Variants in PCDHA9 observed in about 807,000 individuals in gnomAD.
The protein encoded by PCDHA9 is protocadherin alpha 9.
A neutral mutation model predicts 62.0 loss-of-function variants in PCDHA9; 62 were observed. The observed-to-expected ratio is 1.00, with a 90% confidence interval of 0.81 to 1.23. PCDHA9 has a LOEUF of 1.23. Ranked by LOEUF, PCDHA9 falls within the 50% of genes most tolerant of loss-of-function variation. The pLI, the probability that PCDHA9 is intolerant of heterozygous loss-of-function variation, is 0.00. For synonymous variants in PCDHA9, 557 were observed against 567.6 expected (o/e 0.98, Z 0.27); for missense variants, 1,205 against 1,249.8 (o/e 0.96, Z 0.54).
chr5:140,883,091 G>A lies in PCDHA9; in HGVS notation c.2394+32202G>A, dbSNP rs782433695. The A allele has an allele frequency of 1.9e-6, 3 of 1,613,994 alleles. No individual in the cohort carries two copies. In the African/African-American group the frequency reaches 4.0e-5, roughly 22 times the overall value. ...CACAGATCCTGATGATGGTACAAAT[G>A]GAGATATAGTTTACTCATTTAGAAG... On this transcript the variant is annotated intron_variant, in intron 1 of 3. Coordinates refer to ENST00000532602, the MANE Select transcript of PCDHA9 (RefSeq NM_031857.2).
chr5:140,967,775 G>A, intron 1 of PCDHA9: 2 of 1,614,200 alleles, frequency 1.2e-6, no homozygotes, highest in South Asian at 2.2e-5. Context: ...CTATGTGCAG[G>A]CGACTGACCG....
intron 1 of PCDHA9, among the ~76,000 whole-genome samples, chr5:140,896,320 C>G (rs1583228292): frequency 6.6e-6 from 1 of 152,182 alleles, no homozygotes; most frequent in Non-Finnish European, 1.5e-5. Context: ...CTGCTTTCCA[C>G]AGTGGCTAAA....
At position 140,883,299 on chromosome 5, in the gene PCDHA9, A is replaced by G. The variant is rs200799645; in HGVS notation, c.2394+32410A>G. 1.4e-5 allele frequency: 22 copies of G among 1,614,110 alleles called. No homozygotes were observed. In the African/African-American group the frequency reaches 2.9e-4, roughly 22 times the overall value. On this transcript the variant is annotated intron_variant, in intron 1 of 3. Coordinates refer to ENST00000532602, the MANE Select transcript of PCDHA9 (RefSeq NM_031857.2). ...CTTTTGGTGGAAGTACTAGATGTAA[A>G]TGATAACGCCCCAGAGGTTACCATC...
In PCDHA9 at chr5:140,870,834, C is replaced by T. The variant is rs370941881; in HGVS notation, c.2394+19945C>T. ...CTGGCAGCGCGGGAGGCGCAGTTAA[C>T]AAGCTAGTACCGCGGTCGGTGGGTG... On this transcript the variant is annotated intron_variant, in intron 1 of 3. Transcript: ENST00000532602. 184 of 1,613,806 alleles carry T rather than the reference C, an allele frequency of 1.1e-4. 2 individuals are homozygous for T. In the South Asian group the frequency reaches 1.5e-3, roughly 13 times the overall value.
At chr5:140,863,510 T>C in intron 1 of PCDHA9, 1 of 411,624 alleles carries the variant, frequency 2.4e-6, no homozygotes, top group Non-Finnish European at 4.8e-6. Context: ...TTAGTCCTAG[T>C]GTTCTCCCAT....
chr5:140,963,177 T>A (rs1002604435), intron 1 of PCDHA9, among the ~76,000 whole-genome samples: 1 of 152,194 alleles, frequency 6.6e-6, no homozygotes, highest in East Asian at 1.9e-4. Flanking sequence ...CTTACAGATA[T>A]GCTGTAGACT....
At chr5:141,004,391 G>A (rs62384511) in intron 3 of PCDHA9, among the ~76,000 whole-genome samples, 4 of 152,342 alleles carry the variant, frequency 2.6e-5, no homozygotes, top group East Asian at 3.9e-4. Flanking sequence ...AGCTGGACAT[G>A]TGGAGGAGGC....
intron 1 of PCDHA9, among the ~76,000 whole-genome samples, chr5:140,912,685 G>A (rs2076025155): frequency 6.6e-6 from 1 of 152,060 alleles, no homozygotes; most frequent in Non-Finnish European, 1.5e-5. Flanking sequence ...CTTATTCCAG[G>A]TCTCAGGGGG....
intron 1 of PCDHA9, chr5:140,927,853 G>A: frequency 6.2e-7 from 1 of 1,614,214 alleles, no homozygotes. Flanking sequence ...CTTTGGTTTA[G>A]CTAGCACCGC....
At chr5:140,989,174 G>T (rs1305141291) in intron 3 of PCDHA9, among the ~76,000 whole-genome samples, 3 of 152,132 alleles carry the variant, frequency 2.0e-5, no homozygotes, top group Non-Finnish European at 4.4e-5. Flanking sequence ...TAAAACAGGA[G>T]AGTTTCTGAA....
intron 1 of PCDHA9, chr5:140,875,728 G>T: frequency 6.2e-7 from 1 of 1,614,238 alleles, no homozygotes; most frequent in East Asian, 2.2e-5. Flanking sequence ...CATTTTGTTT[G>T]TGAATTCTCG....
At chr5:140,947,622 G>C (rs1435558526) in intron 1 of PCDHA9, among the ~76,000 whole-genome samples, 1 of 151,534 alleles carries the variant, frequency 6.6e-6, no homozygotes, top group East Asian at 1.9e-4. Context: ...TAACAATATT[G>C]AGTCATCAGA....
Position 140,850,572 on chromosome 5 carries a change from C to T in PCDHA9, c.2077C>T (p.Leu693=). ...GGGTGCCACGGGCCCCGAGGTGACG[C>T]TGGTGGATGTCAACGTGTACCTGAT... ...SVGATGPEVT[L]VDVNVYLIIA... The change falls in exon 1 of 4, where the codon CTG becomes TTG. Residue 693 remains leucine, a synonymous_variant. Transcript: ENST00000532602. 1 of 1,598,416 alleles carries T rather than the reference C, an allele frequency of 6.3e-7. No homozygotes were observed. The highest frequency in any genetic ancestry group is 1.1e-5 in the South Asian group (1 of 90,528).
chr5:140,988,675 A>C (rs574653772), intron 3 of PCDHA9, among the ~76,000 whole-genome samples: 1 of 152,228 alleles, frequency 6.6e-6, no homozygotes, highest in East Asian at 1.9e-4. Context: ...ACTCTAAGAT[A>C]ATTCTTTCCC....
At chr5:140,928,594 GAA>G in intron 1 of PCDHA9, 2 of 1,614,204 alleles carry the variant, frequency 1.2e-6, no homozygotes, top group Non-Finnish European at 1.7e-6. Flanking sequence ...TGTCCCAGTG[GAA>G]ATTGTGCCCC....
At chr5:140,969,279 A>G (rs782221973) in intron 1 of PCDHA9, 3 of 1,614,244 alleles carry the variant, frequency 1.9e-6, no homozygotes, top group East Asian at 2.2e-5. Flanking sequence ...CAAAGTGGTC[A>G]GAATGCTGGG....
At chr5:140,869,725 C>T (rs1326402140) in intron 1 of PCDHA9, 1 of 1,613,284 alleles carries the variant, frequency 6.2e-7, no homozygotes, top group Non-Finnish European at 8.5e-7. Flanking sequence ...AACTCCGGAA[C>T]TTAATTTGCT....
chr5:140,924,824 G>T (rs782384284), intron 1 of PCDHA9, among the ~76,000 whole-genome samples: 5 of 151,742 alleles, frequency 3.3e-5, no homozygotes, highest in African/African-American at 4.8e-5. Context: ...GAACCTGGGA[G>T]GGGGAGGTTG....
intron 1 of PCDHA9, chr5:140,858,707 A>T: frequency 3.7e-6 from 2 of 547,914 alleles, no homozygotes; most frequent in South Asian, 2.5e-5. Flanking sequence ...CAAATATGTG[A>T]TATAGGTTGC....
Sources: gnomAD v4.1 joint callset for allele counts (sites outside exome capture counted in the v4.1 genomes callset) on GRCh38, gnomAD v4.1.1 for gene constraint, MANE v1.5 for transcripts, NCBI Gene and HGNC (gene_info 2026-07-23, HGNC 2026-07-21) for gene names.